KCND2: variants seen among roughly 807,000 people sequenced by gnomAD.
The protein encoded by KCND2 is A-type voltage-gated potassium channel KCND2.
Under a neutral mutation model 54.4 loss-of-function variants are expected in KCND2, and 16 were observed. The ratio of observed to expected loss-of-function variants is 0.29; its 90% CI spans 0.20 to 0.45. KCND2 has a LOEUF of 0.45. Ranked by LOEUF, KCND2 falls within the 20% of genes least tolerant of loss-of-function variation. KCND2 has a pLI of 1.00. For synonymous variants in KCND2, 317 were observed against 310.7 expected, an observed-to-expected ratio of 1.02 and a Z score of -0.21; for missense variants, 486 against 824.2, an observed-to-expected ratio of 0.59 and a Z score of 5.02.
chr7:120,446,912 G>A (rs921707488), intron 1 of KCND2, among the ~76,000 whole-genome samples: 5 of 152,074 alleles, frequency 3.3e-5, no homozygotes, highest in Admixed American at 2.6e-4. Flanking sequence ...TAGCTGGACC[G>A]GAGTTTCTAA....
chr7:120,608,685 G>A (rs1792914201), intron 1 of KCND2, among the ~76,000 whole-genome samples: 1 of 152,014 alleles, frequency 6.6e-6, no homozygotes, highest in African/African-American at 2.4e-5. Flanking sequence ...GAAGTGGCAT[G>A]GTTTTATTCA....
chr7:120,514,112 T>TA (rs537389651), intron 1 of KCND2, among the ~76,000 whole-genome samples: 18 of 152,110 alleles, frequency 1.2e-4, no homozygotes, highest in Non-Finnish European at 2.1e-4. Flanking sequence ...ATTTATTTTT[T>TA]ATCTATCACC....
At chr7:120,725,662 A>G (rs2116119984) in intron 1 of KCND2, among the ~76,000 whole-genome samples, 1 of 152,304 alleles carries the variant, frequency 6.6e-6, no homozygotes, top group Middle Eastern at 3.4e-3. Context: ...CTGCAATTGT[A>G]AAATAATGCT....
chr7:120,539,883 T>C (rs1229183880), intron 1 of KCND2, among the ~76,000 whole-genome samples: 1 of 152,178 alleles, frequency 6.6e-6, no homozygotes, highest in East Asian at 1.9e-4. Flanking sequence ...GTATCCTTTG[T>C]TAACTTCAAA....
chr7:120,685,185 T>TA (rs1792185446), intron 1 of KCND2, among the ~76,000 whole-genome samples: 1 of 152,152 alleles, frequency 6.6e-6, no homozygotes, highest in South Asian at 2.1e-4. Context: ...TGAGTGCTGA[T>TA]AAAGTTGGAA....
chr7:120,363,391 C>T (rs1157925972), intron 1 of KCND2, among the ~76,000 whole-genome samples: 1 of 152,092 alleles, frequency 6.6e-6, no homozygotes, highest in African/African-American at 2.4e-5. Context: ...AAAATCTCCT[C>T]TAACCACATT....
At chr7:120,623,240 G>A (rs1440072455) in intron 1 of KCND2, among the ~76,000 whole-genome samples, 1 of 152,082 alleles carries the variant, frequency 6.6e-6, no homozygotes, top group Non-Finnish European at 1.5e-5. Flanking sequence ...ACCAAATATA[G>A]GCATTTGAAT....
chr7:120,484,701 GCACACACACACACA>G (rs3067134), intron 1 of KCND2, among the ~76,000 whole-genome samples: 2 of 137,538 alleles, frequency 1.5e-5, no homozygotes, highest in East Asian at 2.1e-4. Context: ...TATATTACAC[GCACACACACACACA>G]CACACACACA....
At chr7:120,582,954 A>ATGTGTGTG (rs10631536) in intron 1 of KCND2, among the ~76,000 whole-genome samples, 8 of 147,520 alleles carry the variant, frequency 5.4e-5, no homozygotes, top group African/African-American at 1.2e-4. Flanking sequence ...GTGTGTGTGT[A>ATGTGTGTG]TGTGTGTGTG....
intron 1 of KCND2, among the ~76,000 whole-genome samples, chr7:120,494,018 G>A (rs997786067): frequency 1.3e-5 from 2 of 152,060 alleles, no homozygotes; most frequent in Admixed American, 1.3e-4. Flanking sequence ...TAAATGAAAA[G>A]TGTCATTTGA....
chr7:120,563,872 G>A (rs1038296344), intron 1 of KCND2, among the ~76,000 whole-genome samples: 14 of 152,134 alleles, frequency 9.2e-5, no homozygotes, highest in African/African-American at 2.7e-4. Flanking sequence ...ATTGAATTAG[G>A]CATTTCTCCC....
At chr7:120,282,238 A>G (rs145654198) in intron 1 of KCND2, among the ~76,000 whole-genome samples, 1 of 152,292 alleles carries the variant, frequency 6.6e-6, no homozygotes, top group African/African-American at 2.4e-5. Flanking sequence ...ATGATGCTTC[A>G]TCACTAGAAA....
At chr7:120,299,825 A>G (rs1799561661) in intron 1 of KCND2, among the ~76,000 whole-genome samples, 1 of 152,188 alleles carries the variant, frequency 6.6e-6, no homozygotes, top group Non-Finnish European at 1.5e-5. Context: ...CCAAGCCTGA[A>G]TATAGCCAGG....
At chr7:120,532,307 G>A (rs1428399885) in intron 1 of KCND2, among the ~76,000 whole-genome samples, 1 of 151,676 alleles carries the variant, frequency 6.6e-6, no homozygotes, top group African/African-American at 2.4e-5. Context: ...ATATAAACAA[G>A]TTTTAAAGAA....
At chr7:120,367,192 T>A (rs980210566) in intron 1 of KCND2, among the ~76,000 whole-genome samples, 3 of 152,098 alleles carry the variant, frequency 2.0e-5, no homozygotes, top group Non-Finnish European at 4.4e-5. Context: ...TAAAGGAACT[T>A]GTTTAAGGAC....
Position 120,711,683 on chromosome 7 carries a change from T to A in KCND2, c.1116-21220T>A, listed in dbSNP as rs1416857776. 1.7e-4 allele frequency among the ~76,000 whole-genome samples: 26 copies of A among 152,200 alleles called. 1 individual carries two copies. Among genetic ancestry groups the A allele is most frequent in the Non-Finnish European group, 3.8e-4 (26 of 68,034 alleles). ...ACAAGTAAAAGGCTTTAAATAGTTT[T>A]TGTAATTTATAGAAGTTCTGTTCAG... On this transcript the variant is annotated intron_variant, in intron 1 of 5. Coordinates refer to ENST00000331113, the MANE Select transcript of KCND2 (RefSeq NM_012281.3).
chr7:120,436,517 G>C (rs570516379), intron 1 of KCND2, among the ~76,000 whole-genome samples: 2 of 152,284 alleles, frequency 1.3e-5, no homozygotes, highest in Non-Finnish European at 2.9e-5. Flanking sequence ...ACAGTTTTCT[G>C]TATTTTGCTC....
At chr7:120,597,772 T>C (rs1792763934) in intron 1 of KCND2, among the ~76,000 whole-genome samples, 1 of 152,148 alleles carries the variant, frequency 6.6e-6, no homozygotes, top group Admixed American at 6.6e-5. Context: ...TGTTTTAAAT[T>C]GTATGCAGAA....
rs116604779 is a variant in KCND2 at position 120,546,898 on chromosome 7, T to C, written c.1116-186005T>C. Among the ~76,000 whole-genome samples, 1,418 of 152,042 alleles carry C rather than the reference T, an allele frequency of 9.3e-3. 15 individuals carry two copies. The highest frequency in any genetic ancestry group is 0.031 in the African/African-American group (1,301 of 41,540). On this transcript the variant is annotated intron_variant, in intron 1 of 5. Coordinates refer to ENST00000331113, the MANE Select transcript of KCND2 (RefSeq NM_012281.3). Reference sequence around the variant, plus strand: ...TCTGCAATGTAATATCAAATACAAATACTTGTCTTTAAAAATTGTGCTCTC... The same window carrying C: ...TCTGCAATGTAATATCAAATACAAACACTTGTCTTTAAAAATTGTGCTCTC...
Sources: allele counts gnomAD v4.1 joint callset (sites outside exome capture counted in the v4.1 genomes callset), GRCh38; gene constraint gnomAD v4.1.1; transcripts MANE v1.5; gene names NCBI Gene and HGNC (gene_info 2026-07-23, HGNC 2026-07-21).